The following NIBAN2 variants were observed in gnomAD, a reference collection of about 807,000 sequenced individuals.
NIBAN2 encodes niban apoptosis regulator 2, also known as protein Niban 2.
In NIBAN2, 36 loss-of-function variants were observed where a neutral mutation model predicts 81.8. That is an observed-to-expected ratio of 0.44 (90% CI 0.34 to 0.58). The LOEUF (loss-of-function observed/expected upper bound fraction) is 0.58. NIBAN2 is among the 20% of genes least tolerant of loss of function. The probability of loss-of-function intolerance (pLI) is 0.02; values close to 1 mark genes in which losing one functional copy is unlikely to be tolerated. For missense variants in NIBAN2, 897 were observed against 1,014.1 expected (o/e 0.88, Z 1.57); for synonymous variants, 445 against 441.6 (o/e 1.01, Z -0.10).
chr9:127,557,504 T>C (rs533145949), intron 1 of NIBAN2, among the ~76,000 whole-genome samples: 2 of 152,208 alleles, frequency 1.3e-5, no homozygotes, highest in East Asian at 1.9e-4. Flanking sequence ...TCAGCCCCAA[T>C]TGCACAGGAA....
intron 5 of NIBAN2, among the ~76,000 whole-genome samples, chr9:127,520,113 C>T (rs1464800559): frequency 6.6e-6 from 1 of 152,170 alleles, no homozygotes; most frequent in East Asian, 1.9e-4. Context: ...CCCTCCTGAG[C>T]TCTTCCCGTG....
intron 4 of NIBAN2, 66 bp from the exon 5 acceptor site, chr9:127,523,912 A>G (rs1837012183): frequency 1.3e-6 from 2 of 1,531,894 alleles, no homozygotes; most frequent in Non-Finnish European, 1.8e-6. Flanking sequence ...GATGTCAGAG[A>G]ACTGATCCCT....
chr9:127,559,423 C>T lies in NIBAN2; in HGVS notation c.55+9397G>A, dbSNP rs1222559041. ...GAGGAGGCACAGAGAAAAGGAAGGG[C>T]TTGTCAGAGGCCTCCAGGCACCCAT... On this transcript the variant is annotated intron_variant, in intron 1 of 13. Coordinates refer to ENST00000373312, the MANE Select transcript of NIBAN2 (RefSeq NM_022833.4). This position sits in a 1 kb window ranked among gnomAD's most constrained non-coding sequence, Gnocchi z 4.0. Among the ~76,000 whole-genome samples the T allele has an allele frequency of 1.3e-5, 2 of 152,204 alleles. No homozygotes were observed. Among genetic ancestry groups the T allele is most frequent in the Admixed American group, 1.3e-4 (2 of 15,270 alleles).
chr9:127,526,247 A>C (rs1371339662), intron 3 of NIBAN2, among the ~76,000 whole-genome samples: 1 of 152,004 alleles, frequency 6.6e-6, no homozygotes, highest in Non-Finnish European at 1.5e-5. Context: ...TAAAAATACA[A>C]AAATTAGCTG....
In NIBAN2 at chr9:127,517,881, C is replaced by T. The variant is rs1415080533; in HGVS notation, c.650G>A (p.Arg217Gln). The T allele has an allele frequency of 4.3e-6, 7 of 1,613,546 alleles. No homozygotes were observed. The highest frequency in any genetic ancestry group is 4.0e-5 in the African/African-American group (3 of 74,884). Residue 217 changes from arginine (R) to glutamine (Q), a missense_variant, in exon 6 of 14, where the codon CGA (arginine) becomes CAA (glutamine). By Grantham distance (43) the Arg-to-Gln change is conservative (BLOSUM62 1). Transcript: ENST00000373312. This position sits in a 1 kb window ranked among gnomAD's most constrained non-coding sequence, Gnocchi z 4.0. ...PAFTDAIRMY[R>Q]QSKELYGTWE... ...GGTGCCGTACAGCTCCTTGGACTGT[C>T]GGTACATGCGGATGGCATCTGTGAA...
In NIBAN2 at chr9:127,565,946, T is replaced by A. The variant is rs866455958; in HGVS notation, c.55+2874A>T. Among the ~76,000 whole-genome samples, 1,242 of 130,568 alleles carry A rather than the reference T, an allele frequency of 9.5e-3. 11 individuals are homozygous for A. Among genetic ancestry groups the A allele is most frequent in the African/African-American group, 0.02 (622 of 31,090 alleles). 85.7% of individuals were successfully genotyped at this position (130,568 alleles called of 152,430 possible). A position where few individuals can be genotyped will look rare whatever the true frequency, so the allele number is the denominator to read the frequency against. ...GAGACCCTGTCTCTCTCTCTCTCTC[T>A]CACACACACACACACACACACACAC... is the stretch of plus-strand genomic sequence containing the variant. On this transcript the variant is annotated intron_variant, in intron 1 of 13. Coordinates refer to ENST00000373312, the MANE Select transcript of NIBAN2 (RefSeq NM_022833.4).
chr9:127,569,122 C>T, upstream of NIBAN2: 1 of 992,550 alleles, frequency 1.0e-6, no homozygotes, highest in Non-Finnish European at 1.2e-6. Context: ...CGCTCCGCCC[C>T]ACCAGACCAC....
In NIBAN2 at chr9:127,517,467, C is replaced by T. The variant is rs1197700390; in HGVS notation, c.706-251G>A. Among the ~76,000 whole-genome samples, 1 of 152,214 alleles carries T rather than the reference C, an allele frequency of 6.6e-6. No homozygotes were observed. Among genetic ancestry groups the T allele is most frequent in the Non-Finnish European group, 1.5e-5 (1 of 68,036 alleles). On this transcript the variant is annotated intron_variant, in intron 6 of 13. Transcript: ENST00000373312. This position sits in a 1 kb window ranked among gnomAD's most constrained non-coding sequence, Gnocchi z 4.0. ...GCCTTTGCACAGGCTGCCTTCCCTA[C>T]CTAGAATACCATACTCCCTCCCTGC...
At chr9:127,574,629 C>G (rs1349845743) in intron 1 of NIBAN2, among the ~76,000 whole-genome samples, 1 of 152,082 alleles carries the variant, frequency 6.6e-6, no homozygotes, top group Non-Finnish European at 1.5e-5. Flanking sequence ...CAGCTCTGCT[C>G]TCCCCACAAA....
chr9:127,531,241 G>A (rs1411687543), intron 2 of NIBAN2, among the ~76,000 whole-genome samples: 1 of 151,342 alleles, frequency 6.6e-6, no homozygotes, highest in Non-Finnish European at 1.5e-5. Context: ...CCAGCATTTT[G>A]GGAGGCTAAG....
At chr9:127,533,287 T>C (rs1246234833) in intron 1 of NIBAN2, among the ~76,000 whole-genome samples, 1 of 150,320 alleles carries the variant, frequency 6.7e-6, no homozygotes, top group Non-Finnish European at 1.5e-5. Flanking sequence ...AAACCCTGTA[T>C]CTACTAAAAA....
At chr9:127,527,601 G>T (rs1011580869) in intron 2 of NIBAN2, among the ~76,000 whole-genome samples, 1 of 152,176 alleles carries the variant, frequency 6.6e-6, no homozygotes, top group Admixed American at 6.5e-5. Context: ...CTGATGTAGG[G>T]CCTGGCCACA....
chr9:127,516,636 C>G (rs991608528), intron 8 of NIBAN2, among the ~76,000 whole-genome samples: 6 of 152,182 alleles, frequency 3.9e-5, no homozygotes, highest in Admixed American at 2.0e-4. Context: ...AAGGCTTGAA[C>G]CTCCAGAACA....
intron 1 of NIBAN2, among the ~76,000 whole-genome samples, chr9:127,538,336 C>A (rs907894660): frequency 4.6e-5 from 7 of 152,206 alleles, no homozygotes; most frequent in African/African-American, 1.4e-4. Context: ...CAACTTACTG[C>A]ATGCTCCACA....
At chr9:127,523,577 G>A (rs1837001729) in intron 5 of NIBAN2, 102 bp downstream of exon 5, 3 of 1,166,506 alleles carry the variant, frequency 2.6e-6, no homozygotes, top group Middle Eastern at 2.5e-4. Flanking sequence ...AGCCTGTAGA[G>A]CAGGGTTGCC....
At chr9:127,571,150 G>A (rs1181560330), upstream of NIBAN2, among the ~76,000 whole-genome samples, 1 of 152,148 alleles carries the variant, frequency 6.6e-6, no homozygotes, top group East Asian at 1.9e-4. Flanking sequence ...GGGCCACAGT[G>A]GCCTTTCCCC....
intron 2 of NIBAN2, among the ~76,000 whole-genome samples, chr9:127,530,081 C>A (rs1464482262): frequency 6.6e-6 from 1 of 152,198 alleles, no homozygotes. Flanking sequence ...GACAGGGGAG[C>A]CATTCTGGCC....
At chr9:127,576,804 C>T (rs762232293) in intron 1 of NIBAN2, among the ~76,000 whole-genome samples, 24 of 150,544 alleles carry the variant, frequency 1.6e-4, no homozygotes, top group Admixed American at 1.1e-3. Context: ...AGTGTAGTGG[C>T]GCCATCTCAG....
intron 1 of NIBAN2, among the ~76,000 whole-genome samples, chr9:127,554,015 C>T (rs532790794): frequency 1.1e-4 from 16 of 152,284 alleles, no homozygotes; most frequent in African/African-American, 1.7e-4. Flanking sequence ...GCACTCATCA[C>T]GGAGAGAGAC....
Sources: allele counts gnomAD v4.1 joint callset (sites outside exome capture counted in the v4.1 genomes callset), GRCh38; gene constraint gnomAD v4.1.1; non-coding constraint Gnocchi (gnomAD v3.1); transcripts MANE v1.5; gene names NCBI Gene and HGNC (gene_info 2026-07-23, HGNC 2026-07-21).